P4HA2: variants seen among roughly 807,000 people sequenced by gnomAD.
P4HA2 encodes the protein prolyl 4-hydroxylase subunit alpha 2.
In P4HA2, 46 loss-of-function variants were observed where a neutral mutation model predicts 76.9. The ratio of observed to expected loss-of-function variants is 0.60; its 90% confidence interval spans 0.47 to 0.76. P4HA2 has a LOEUF of 0.76. P4HA2 is among the 30% of genes least tolerant of loss of function. The pLI is 0.00. For missense variants in P4HA2, 583 were observed against 669.4 expected (o/e 0.87, Z 1.42); for synonymous variants, 243 against 254.0 (o/e 0.96, Z 0.41).
intron 1 of P4HA2, among the ~76,000 whole-genome samples, chr5:132,225,335 C>T (rs1210475897): frequency 6.6e-6 from 1 of 152,214 alleles, no homozygotes; most frequent in Non-Finnish European, 1.5e-5. Flanking sequence ...CAGGGACACA[C>T]CTCCTAGCCC....
At position 132,191,757 on chromosome 5, in the gene P4HA2, T is replaced by C. The variant is rs996432215; in HGVS notation, c.*1253A>G. On this transcript the variant is annotated 3_prime_UTR_variant, in exon 15 of 15. Transcript: ENST00000360568. ...CATTTCCACTCCTAGATATATATCCTACAGAAATATGTGTTTATATGTGCA... is the reference window on the plus strand; with the variant it reads ...CATTTCCACTCCTAGATATATATCCCACAGAAATATGTGTTTATATGTGCA... 3 of 152,044 alleles carry C rather than the reference T, an allele frequency of 2.0e-5. No homozygotes were observed. The highest frequency in any genetic ancestry group is 7.3e-5 in the African/African-American group (3 of 41,302). 9.4% of individuals were successfully genotyped at this position (152,044 alleles called of 1,614,324 possible). A position where few individuals can be genotyped will look rare whatever the true frequency, so the allele number is the denominator to read the frequency against.
intron 7 of P4HA2, among the ~76,000 whole-genome samples, chr5:132,208,806 T>C (rs1752612535): frequency 6.6e-6 from 1 of 152,028 alleles, no homozygotes; most frequent in Admixed American, 6.5e-5. Flanking sequence ...TCTCCACTTA[T>C]ACCATGACTT....
intron 12 of P4HA2, among the ~76,000 whole-genome samples, chr5:132,196,699 A>G (rs1307097448): frequency 2.0e-5 from 3 of 151,858 alleles, no homozygotes; most frequent in African/African-American, 7.3e-5. Flanking sequence ...CATCTCTACT[A>G]AAAATACAAA....
intron 1 of P4HA2, among the ~76,000 whole-genome samples, chr5:132,225,178 C>T (rs980494817): frequency 6.6e-6 from 1 of 152,104 alleles, no homozygotes; most frequent in East Asian, 1.9e-4. Context: ...TAAGGAACTT[C>T]AAATGTCCAA....
chr5:132,218,720 T>G (rs149554918), intron 1 of P4HA2, 76 bp from the exon 2 acceptor site: 5 of 824,468 alleles, frequency 6.1e-6, no homozygotes, highest in Non-Finnish European at 1.0e-5. Flanking sequence ...CACATAGGCA[T>G]GTACACACAT....
intron 4 of P4HA2, among the ~76,000 whole-genome samples, chr5:132,215,238 C>A (rs1753666740): frequency 6.6e-6 from 1 of 152,356 alleles, no homozygotes; most frequent in Non-Finnish European, 1.5e-5. Context: ...ACACTGTCAG[C>A]ATGCCCTGCT....
chr5:132,219,561 C>T (rs1419620105), intron 1 of P4HA2, among the ~76,000 whole-genome samples: 1 of 152,184 alleles, frequency 6.6e-6, no homozygotes, highest in African/African-American at 2.4e-5. Context: ...CCAGCTCAGC[C>T]ATGCAGCCTA....
At chr5:132,214,712 A>G (rs1580724431) in intron 4 of P4HA2, among the ~76,000 whole-genome samples, 1 of 151,906 alleles carries the variant, frequency 6.6e-6, no homozygotes, top group East Asian at 1.9e-4. Flanking sequence ...GGTTGCACCA[A>G]CCCAGCAAGG....
chr5:132,198,465 AG>A (rs1315356150), intron 11 of P4HA2, 85 bp from the exon 12 acceptor site: 11 of 1,243,156 alleles, frequency 8.8e-6, no homozygotes, highest in Non-Finnish European at 1.2e-5. Context: ...GTCAGGGAAA[AG>A]TAATAAGTGT....
At chr5:132,203,548 A>C in intron 10 of P4HA2, 200 bp downstream of exon 10, 6 of 578,714 alleles carry the variant, frequency 1.0e-5, no homozygotes, top group Non-Finnish European at 1.9e-5. Context: ...GATGCTCAAT[A>C]GATATTTGTT....
chr5:132,203,166 A>G (rs1315012002), intron 10 of P4HA2, among the ~76,000 whole-genome samples: 1 of 152,222 alleles, frequency 6.6e-6, no homozygotes, highest in Non-Finnish European at 1.5e-5. Flanking sequence ...CTTGCTGTCC[A>G]TTTTGAGGAT....
intron 4 of P4HA2, 91 bp from the exon 5 acceptor site, chr5:132,214,144 T>G: frequency 8.2e-6 from 11 of 1,346,036 alleles, no homozygotes; most frequent in Non-Finnish European, 9.2e-6. Context: ...AGAGGGTCTC[T>G]GGCTAGTGAA....
At chr5:132,195,776 C>T (rs1448745945) in intron 12 of P4HA2, 2 of 453,696 alleles carry the variant, frequency 4.4e-6, no homozygotes, top group East Asian at 4.3e-5. Context: ...TCAGAAAATG[C>T]CTGTTCTGAC....
chr5:132,206,230 C>G (rs1752195125), intron 8 of P4HA2, among the ~76,000 whole-genome samples: 1 of 152,188 alleles, frequency 6.6e-6, no homozygotes, highest in Non-Finnish European at 1.5e-5. Context: ...TAAGAAATCT[C>G]TCAGGAAATC....
intron 4 of P4HA2, 75 bp from the exon 5 acceptor site, chr5:132,214,128 C>G (rs903027218): frequency 2.7e-6 from 4 of 1,463,608 alleles, no homozygotes; most frequent in Non-Finnish European, 3.8e-6. Flanking sequence ...AGAGAGGCAG[C>G]CACAAAGAGG....
intron 8 of P4HA2, among the ~76,000 whole-genome samples, chr5:132,204,866 C>G (rs1160621339): frequency 6.6e-6 from 1 of 152,248 alleles, no homozygotes; most frequent in Non-Finnish European, 1.5e-5. Flanking sequence ...CTTCATCTCC[C>G]CCAGCCTCCA....
chr5:132,223,844 C>T (rs1282997954), intron 1 of P4HA2, among the ~76,000 whole-genome samples: 1 of 152,174 alleles, frequency 6.6e-6, no homozygotes, highest in Non-Finnish European at 1.5e-5. Flanking sequence ...AAATCAATGA[C>T]AGAACCAAGA....
Position 132,204,077 on chromosome 5 carries a change from C to T in P4HA2, c.1151+5G>A, listed in dbSNP as rs758429662. 5.0e-6 allele frequency: 8 copies of T among 1,611,932 alleles called. No homozygotes were observed. Among genetic ancestry groups the T allele is most frequent in the Non-Finnish European group, 6.8e-6 (8 of 1,178,030 alleles). ...AGCAGCTACGAACCCCTGCTCTTTG[C>T]TTACCTTTTGGAAACCCGGTAGCTG... On this transcript the variant is annotated splice_donor_5th_base_variant and intron_variant, in intron 9 of 14. Coordinates refer to ENST00000360568, the MANE Select transcript of P4HA2 (RefSeq NM_001017974.2).
In P4HA2 at chr5:132,217,721, C is replaced by T. The variant is rs781402254; in HGVS notation, c.179+31G>A. ...CTTGAGGGGCAGAAGGGAAGGAAGG[C>T]CAACTAAGGATGGTTGGGGACTTAG... On this transcript the variant is annotated intron_variant, in intron 3 of 14. Transcript: ENST00000360568. 10 of 1,321,962 alleles carry T rather than the reference C, an allele frequency of 7.6e-6. No homozygotes were observed. The Admixed American group carries it at 1.6e-4, about 21-fold the overall frequency. The allele number at this position is 1,321,962 out of a possible 1,614,324, so 81.9% of individuals were successfully genotyped here.
Sources: allele counts gnomAD v4.1 joint callset (sites outside exome capture counted in the v4.1 genomes callset), GRCh38; gene constraint gnomAD v4.1.1; transcripts MANE v1.5; gene names NCBI Gene and HGNC (gene_info 2026-07-23, HGNC 2026-07-21).